Variants in NDUFV1 observed in about 807,000 individuals in gnomAD.
NDUFV1 encodes the protein NADH:ubiquinone oxidoreductase core subunit V1, also known as NADH dehydrogenase [ubiquinone] flavoprotein 1, mitochondrial.
In NDUFV1, 41 loss-of-function variants were observed where a neutral mutation model predicts 48.7. The ratio of observed to expected loss-of-function variants is 0.84; its 90% CI spans 0.66 to 1.09. The LOEUF (loss-of-function observed/expected upper bound fraction) is 1.09. Ranked by LOEUF, NDUFV1 falls within the 50% of genes least tolerant of loss-of-function variation. The pLI is 0.00. For synonymous variants in NDUFV1, 231 were observed against 259.1 expected (o/e 0.89, Z 1.04); for missense variants, 580 against 645.4 (o/e 0.90, Z 1.10).
At chr11:67,609,402 G>T in intron 3 of NDUFV1, 50 bp from the exon 4 acceptor site, 1 of 1,593,434 alleles carries the variant, frequency 6.3e-7, no homozygotes, top group South Asian at 1.1e-5. Flanking sequence ...TGGAGTTGAA[G>T]ACCCAGTCCT....
intron 1 of NDUFV1, among the ~76,000 whole-genome samples, chr11:67,607,997 C>T (rs1416581512): frequency 6.6e-6 from 1 of 152,032 alleles, no homozygotes. Flanking sequence ...GAGGCTGAGG[C>T]GGGCGGATCG....
rs1268476999 is a variant in NDUFV1, at chr11:67,609,093, A to G, written c.327-359A>G. ...GCTTTTGGCCTGTATGCTGGTTGGC[A>G]CATAAAGCAAATGATAAATGTCACC... On this transcript the variant is annotated intron_variant, in intron 3 of 9. Transcript: ENST00000322776. Among the ~76,000 whole-genome samples the G allele has an allele frequency of 3.9e-5, 6 of 152,340 alleles. No homozygotes were observed. The East Asian group carries it at 5.8e-4, about 15-fold the overall frequency.
chr11:67,611,585 C>A lies in NDUFV1; in HGVS notation c.1080+16C>A. ...GGACCGCTCGGTAAGGGTTCACACA[C>A]CAGCCCTGGTCCCTGCCCTCCTGGT... On this transcript the variant is annotated intron_variant, in intron 7 of 9. Coordinates refer to ENST00000322776, the MANE Select transcript of NDUFV1 (RefSeq NM_007103.4). This position sits in a 1 kb window ranked among gnomAD's most constrained non-coding sequence, Gnocchi z 4.2. The A allele has an allele frequency of 1.3e-6, 2 of 1,594,632 alleles. No individual in the cohort carries two copies. Among genetic ancestry groups the A allele is most frequent in the Non-Finnish European group, 8.5e-7 (1 of 1,170,400 alleles).
In NDUFV1 at chr11:67,612,034, C is replaced by T. The variant is rs185731653; in HGVS notation, c.1162+56C>T. Reference sequence around the variant, plus strand: ...GCTGTGGCTTCATTTAACCTCCTCCCCACCACGTGGCCTGCAGCCCTCAAG... The same window carrying T: ...GCTGTGGCTTCATTTAACCTCCTCCTCACCACGTGGCCTGCAGCCCTCAAG... On this transcript the variant is annotated intron_variant, in intron 8 of 9. Coordinates refer to ENST00000322776, the MANE Select transcript of NDUFV1 (RefSeq NM_007103.4). The surrounding 1 kb of genome is among the most constrained non-coding windows in gnomAD (Gnocchi z 4.4). 125 of 1,613,508 alleles carry T rather than the reference C, an allele frequency of 7.7e-5. 2 individuals carry two copies. The highest frequency in any genetic ancestry group is 3.1e-4 in the South Asian group (28 of 91,070).
At position 67,610,385 on chromosome 11, in the gene NDUFV1, C is replaced by T. The variant is rs1240637827; in HGVS notation, c.515C>T (p.Ala172Val). 2 of 1,614,170 alleles carry T rather than the reference C, an allele frequency of 1.2e-6. No homozygotes were observed. The highest frequency in any genetic ancestry group is 1.3e-5 in the African/African-American group (1 of 75,024). The change falls in exon 5 of 10, where the codon GCC (alanine) becomes GTC (valine). Residue 172 changes from alanine to valine, a missense_variant. Physicochemically the swap from Ala to Val is moderately conservative, Grantham distance 64 (BLOSUM62 0). Transcript: ENST00000322776. Reference protein sequence around the residue: ...FYNEASNLQVAIREAYEAGLI... With the variant: ...FYNEASNLQVVIREAYEAGLI... ...ACTCACACCTTTGTCCTGCAGGTGG[C>T]CATCCGAGAGGCCTATGAGGCAGGT...
chr11:67,608,497 T>C lies in NDUFV1; in HGVS notation c.155+19T>C. On this transcript the variant is annotated intron_variant, in intron 2 of 9. Coordinates refer to ENST00000322776, the MANE Select transcript of NDUFV1 (RefSeq NM_007103.4). ...ACTGGAGGTGAGACAGTGCCCTTAGTGTGTTGGGTCCCGGAGCAAGGTGTC... is the reference window on the plus strand; with the variant it reads ...ACTGGAGGTGAGACAGTGCCCTTAGCGTGTTGGGTCCCGGAGCAAGGTGTC... The C allele has an allele frequency of 6.2e-7, 1 of 1,614,106 alleles. No individual in the cohort carries two copies. Among genetic ancestry groups the C allele is most frequent in the Non-Finnish European group, 8.5e-7 (1 of 1,180,014 alleles).
At position 67,608,546 on chromosome 11, in the gene NDUFV1, G is replaced by A. The variant is rs1220797986; in HGVS notation, c.156-6G>A. On this transcript the variant is annotated splice_region_variant and splice_polypyrimidine_tract_variant and intron_variant, in intron 2 of 9. Transcript: ENST00000322776. ...TCCCCTTCATTGCCTTCCCTATTCT[G>A]TCCAGGCTGAAAGGTTCCCTGAGTC... The A allele has an allele frequency of 3.1e-6, 5 of 1,614,186 alleles. No homozygotes were observed. Among genetic ancestry groups the A allele is most frequent in the Non-Finnish European group, 4.2e-6 (5 of 1,180,040 alleles).
rs148303496 is a variant in NDUFV1 at position 67,611,071 on chromosome 11, T to C, written c.777T>C (p.Gly259=). The change falls in exon 6 of 10, where the codon GGT becomes GGC. Residue 259 remains glycine (G), a synonymous_variant. Coordinates refer to ENST00000322776, the MANE Select transcript of NDUFV1 (RefSeq NM_007103.4). This position sits in a 1 kb window ranked among gnomAD's most constrained non-coding sequence, Gnocchi z 4.2. ...AVSPTICRRG[G]TWFAGFGRER... is the part of the protein sequence containing the mutation. The stretch of plus-strand genomic sequence containing the variant: ...CCCCCACAATCTGCCGCCGTGGAGG[T>C]ACCTGGTTTGCTGGCTTTGGCAGAG... 138 of 1,614,174 alleles carry C rather than the reference T, an allele frequency of 8.5e-5. No individual in the cohort carries two copies. In the African/African-American group the frequency reaches 1.6e-3, roughly 18 times the overall value.
chr11:67,611,988 G>C lies in NDUFV1; in HGVS notation c.1162+10G>C. 1 of 1,613,826 alleles carries C rather than the reference G, an allele frequency of 6.2e-7. No individual in the cohort carries two copies. The highest frequency in any genetic ancestry group is 8.5e-7 in the Non-Finnish European group (1 of 1,179,982). ...ACCCCATGCCGTGAGGGTGAGCATC[G>C]GGCAGGTTGGGGGCTTGCTTGCTGT... is the stretch of plus-strand genomic sequence containing the variant. On this transcript the variant is annotated intron_variant, in intron 8 of 9. Coordinates refer to ENST00000322776, the MANE Select transcript of NDUFV1 (RefSeq NM_007103.4). This position sits in a 1 kb window ranked among gnomAD's most constrained non-coding sequence, Gnocchi z 4.2.
At position 67,610,486 on chromosome 11, in the gene NDUFV1, T is replaced by C; in HGVS notation, c.616T>C (p.Cys206Arg). The part of the protein sequence containing the change: ...FVVRGAGAYI[C>R]GEETALIESI... The stretch of plus-strand genomic sequence containing the variant: ...GGTGCGCGGGGCTGGGGCCTACATC[T>C]GTGGAGAGGAGACAGCGCTCATCGA... Residue 206 changes from cysteine (C) to arginine (R), a missense_variant, in exon 5 of 10, where the codon TGT (cysteine) becomes CGT (arginine). Coordinates refer to ENST00000322776, the MANE Select transcript of NDUFV1 (RefSeq NM_007103.4). The C allele has an allele frequency of 6.2e-7, 1 of 1,613,994 alleles. No individual in the cohort carries two copies. Among genetic ancestry groups the C allele is most frequent in the East Asian group, 2.2e-5 (1 of 44,894 alleles).
intron 1 of NDUFV1, among the ~76,000 whole-genome samples, chr11:67,608,010 T>C (rs1189215622): frequency 6.6e-6 from 1 of 152,094 alleles, no homozygotes; most frequent in Non-Finnish European, 1.5e-5. Context: ...GCGGATCGCT[T>C]GAGGTCAGGA....
rs1178214928 is a variant in NDUFV1, at chr11:67,612,119, G to A, written c.1163-1G>A. On this transcript the variant is annotated splice_acceptor_variant, in intron 8 of 9. Transcript: ENST00000322776. LOFTEE classifies it high-confidence loss of function. The surrounding 1 kb of genome is among the most constrained non-coding windows in gnomAD (Gnocchi z 4.4). ...GCCCTCTCTTGTGGCTGTGGCTGCA[G>A]GTGTGGACTGGATGAACAAGGTGAT... 6.2e-7 allele frequency: 1 copy of A among 1,613,758 alleles called. No individual in the cohort carries two copies. Among genetic ancestry groups the A allele is most frequent in the Non-Finnish European group, 8.5e-7 (1 of 1,179,948 alleles).
intron 3 of NDUFV1, among the ~76,000 whole-genome samples, chr11:67,609,210 G>A (rs1759883940): frequency 1.3e-5 from 2 of 152,196 alleles, no homozygotes; most frequent in African/African-American, 4.8e-5. Flanking sequence ...AAGGAGAGAT[G>A]TTTGGATGAG....
At chr11:67,610,162 C>T (rs1854885137) in intron 4 of NDUFV1, 1 of 583,202 alleles carries the variant, frequency 1.7e-6, no homozygotes, top group East Asian at 2.9e-5. Flanking sequence ...TTTTATTTTC[C>T]TGGCAGCAAA....
At position 67,612,320 on chromosome 11, in the gene NDUFV1, G is replaced by A. The variant is rs1854936748; in HGVS notation, c.1309-52G>A. The A allele has an allele frequency of 6.2e-7, 1 of 1,613,944 alleles. No homozygotes were observed. The highest frequency in any genetic ancestry group is 1.1e-5 in the South Asian group (1 of 91,080). On this transcript the variant is annotated intron_variant, in intron 9 of 9. Transcript: ENST00000322776. This position sits in a 1 kb window ranked among gnomAD's most constrained non-coding sequence, Gnocchi z 4.4. ...GGGTGGGTGGCATCAAGGGCCCAGG[G>A]TGTTGGGGGATTTTTGGACTCTGTT...
Position 67,608,655 on chromosome 11 carries a change from G to T in NDUFV1, c.259G>T (p.Gly87Cys). 1 of 1,614,140 alleles carries T rather than the reference G, an allele frequency of 6.2e-7. No homozygotes were observed. Among genetic ancestry groups the T allele is most frequent in the East Asian group, 2.2e-5 (1 of 44,884 alleles). Residue 87 changes from glycine (G) to cysteine (C), a missense_variant, in exon 3 of 10, where the codon GGC becomes TGC. Transcript: ENST00000322776. ...LGEIKTSGLR[G>C]RGGAGFPTGL... ...CGAGATCAAGACATCGGGTTTGAGG[G>T]GCCGTGGAGGCGCTGGCTTCCCCAC... is the stretch of plus-strand genomic sequence containing the variant.
chr11:67,610,348 G>A, intron 4 of NDUFV1, 33 bp from the exon 5 acceptor site: 2 of 1,587,616 alleles, frequency 1.3e-6, no homozygotes, highest in African/African-American at 1.9e-5. Flanking sequence ...TGGGCTGGGG[G>A]TGGGCTGGGA....
Position 67,611,138 on chromosome 11 carries a change from G to A in NDUFV1, c.844G>A (p.Val282Ile), listed in dbSNP as rs1435932761. ...CAAACTATTCAACATCTCTGGCCAT[G>A]TCAACCACCCTTGCACTGTGGAGGA... ...GTKLFNISGH[V>I]NHPCTVEEEM... The change falls in exon 6 of 10, where the codon GTC (valine) becomes ATC (isoleucine). Residue 282 changes from valine (V) to isoleucine (I), a missense_variant. By Grantham distance (29) the Val-to-Ile change is conservative. Coordinates refer to ENST00000322776, the MANE Select transcript of NDUFV1 (RefSeq NM_007103.4). The surrounding 1 kb of genome is among the most constrained non-coding windows in gnomAD (Gnocchi z 4.2). 6.2e-7 allele frequency: 1 copy of A among 1,614,150 alleles called. No homozygotes were observed. The highest frequency in any genetic ancestry group is 8.5e-7 in the Non-Finnish European group (1 of 1,180,058).
chr11:67,607,762 C>T (rs1854838148), intron 1 of NDUFV1: 2 of 321,638 alleles, frequency 6.2e-6, no homozygotes, highest in South Asian at 2.4e-5. Flanking sequence ...CAGACCTGGG[C>T]TCAAATTGGA....
Sources: gnomAD v4.1 joint callset for allele counts (sites outside exome capture counted in the v4.1 genomes callset) on GRCh38, gnomAD v4.1.1 for gene constraint, Gnocchi (gnomAD v3.1) non-coding constraint, MANE v1.5 for transcripts, NCBI Gene and HGNC (gene_info 2026-07-23, HGNC 2026-07-21) for gene names.